Variants in ANKRD11 observed in about 807,000 individuals in gnomAD.
The protein encoded by ANKRD11 is ankyrin repeat domain 11.
A neutral mutation model predicts 195.7 loss-of-function variants in ANKRD11; 17 were observed. The ratio of observed to expected loss-of-function variants is 0.09; its 90% confidence interval spans 0.06 to 0.13. The LOEUF (loss-of-function observed/expected upper bound fraction) is 0.13. Among genes scored for constraint, ANKRD11 ranks in the 10% least tolerant of loss-of-function variants. ANKRD11 has a pLI of 1.00. For synonymous variants in ANKRD11, 1,953 were observed against 1,528.1 expected (o/e 1.28, Z -6.49); for missense variants, 3,735 against 3,566.1 (o/e 1.05, Z -1.21).
At chr16:89,350,936 A>T (rs2039184953) in intron 2 of ANKRD11, among the ~76,000 whole-genome samples, 1 of 152,200 alleles carries the variant, frequency 6.6e-6, no homozygotes, top group African/African-American at 2.4e-5. Flanking sequence ...ACTCAGCAAC[A>T]GGCTCTACCA....
At chr16:89,384,522 A>C (rs1366295148) in intron 2 of ANKRD11, among the ~76,000 whole-genome samples, 1 of 138,890 alleles carries the variant, frequency 7.2e-6, no homozygotes, top group Non-Finnish European at 1.6e-5. Flanking sequence ...ACGACATGGA[A>C]CAGGATGGGA....
At chr16:89,330,949 A>T (rs973110240) in intron 2 of ANKRD11, among the ~76,000 whole-genome samples, 1 of 152,200 alleles carries the variant, frequency 6.6e-6, no homozygotes, top group Non-Finnish European at 1.5e-5. Context: ...AAATATTATA[A>T]GCAAAACACC....
At position 89,481,196 on chromosome 16, in the gene ANKRD11, G is replaced by A. The variant is rs140842689; in HGVS notation, c.-145+9049C>T. Among the ~76,000 whole-genome samples, 428 of 152,178 alleles carry A rather than the reference G, an allele frequency of 2.8e-3. 2 individuals are homozygous for A. Among genetic ancestry groups the A allele is most frequent in the African/African-American group, 9.7e-3 (404 of 41,508 alleles). On this transcript the variant is annotated intron_variant, in intron 1 of 12. Coordinates refer to ENST00000301030, the MANE Select transcript of ANKRD11 (RefSeq NM_013275.6). ...TTTAATGAATACCAGTTAACACCAT[G>A]AAGTCTTCACAATTCACCTACACAG...
chr16:89,365,786 T>C (rs570379053), intron 2 of ANKRD11, among the ~76,000 whole-genome samples: 13 of 152,258 alleles, frequency 8.5e-5, no homozygotes, highest in Admixed American at 2.0e-4. Context: ...TCAGGGTTTG[T>C]TGAACAGACT....
intron 2 of ANKRD11, chr16:89,372,825 A>G (rs1215921906): frequency 6.6e-6 from 1 of 152,166 alleles, no homozygotes; most frequent in Non-Finnish European, 1.5e-5. Context: ...TGTGGCAGGG[A>G]CTCACTGAAA....
intron 1 of ANKRD11, among the ~76,000 whole-genome samples, chr16:89,479,662 AG>A (rs2057377314): frequency 6.7e-6 from 1 of 149,424 alleles, no homozygotes; most frequent in South Asian, 2.1e-4. Context: ...AATTTTAAAA[AG>A]GCCAGACGCA....
intron 1 of ANKRD11, chr16:89,489,290 G>A (rs887397046): frequency 6.6e-5 from 10 of 152,316 alleles, no homozygotes; most frequent in Admixed American, 5.2e-4. Flanking sequence ...GCCAGGGGAT[G>A]ATGAAATGAG....
At chr16:89,288,166 C>A in intron 7 of ANKRD11, 1 of 602,968 alleles carries the variant, frequency 1.7e-6, no homozygotes, top group Admixed American at 2.9e-5. Flanking sequence ...GAGGGTGGGT[C>A]TGCCTTGCAG....
At chr16:89,318,074 G>A (rs1176916424) in intron 2 of ANKRD11, among the ~76,000 whole-genome samples, 1 of 152,164 alleles carries the variant, frequency 6.6e-6, no homozygotes, top group East Asian at 1.9e-4. Flanking sequence ...GGCAGTTGGG[G>A]GAGGCCTTCC....
At chr16:89,374,709 G>T (rs1025086572) in intron 2 of ANKRD11, among the ~76,000 whole-genome samples, 1 of 152,128 alleles carries the variant, frequency 6.6e-6, no homozygotes, top group Non-Finnish European at 1.5e-5. Flanking sequence ...ACTCTGCTCA[G>T]GTAAGGACCA....
At chr16:89,472,917 T>C (rs1365554065) in intron 1 of ANKRD11, among the ~76,000 whole-genome samples, 1 of 152,040 alleles carries the variant, frequency 6.6e-6, no homozygotes, top group Non-Finnish European at 1.5e-5. Context: ...GGGCCAGACA[T>C]AGTGGCTCAT....
chr16:89,419,773 G>C (rs752627158), intron 1 of ANKRD11, among the ~76,000 whole-genome samples: 4 of 150,644 alleles, frequency 2.7e-5, no homozygotes, highest in Non-Finnish European at 5.9e-5. Flanking sequence ...TGCAAAGATG[G>C]AGTGAGGTTT....
chr16:89,301,010 G>C, intron 4 of ANKRD11: 2 of 624,014 alleles, frequency 3.2e-6, no homozygotes, highest in Non-Finnish European at 5.8e-6. Flanking sequence ...AGGCGCAGGA[G>C]AAACAGCGGG....
intron 1 of ANKRD11, among the ~76,000 whole-genome samples, chr16:89,468,578 G>A (rs780945465): frequency 6.6e-6 from 1 of 152,166 alleles, no homozygotes; most frequent in Non-Finnish European, 1.5e-5. Flanking sequence ...GGTGGCACAG[G>A]CCTGTAATGT....
chr16:89,479,558 C>G (rs1293619697), intron 1 of ANKRD11, among the ~76,000 whole-genome samples: 2 of 151,958 alleles, frequency 1.3e-5, no homozygotes, highest in African/African-American at 4.8e-5. Flanking sequence ...TCATTTGAAC[C>G]CAGGAGGCGG....
chr16:89,308,417 C>T (rs1003311327), intron 3 of ANKRD11, among the ~76,000 whole-genome samples: 17 of 152,194 alleles, frequency 1.1e-4, no homozygotes, highest in Non-Finnish European at 2.4e-4. Context: ...GAACACTGTC[C>T]CCAGGTCCAC....
chr16:89,324,574 G>A (rs1269310980), intron 2 of ANKRD11: 5 of 452,902 alleles, frequency 1.1e-5, no homozygotes, highest in African/African-American at 8.0e-5. Flanking sequence ...CCCTCCATCT[G>A]GGGGGGCATG....
intron 1 of ANKRD11, among the ~76,000 whole-genome samples, chr16:89,435,125 CATCA>C (rs2043158222): frequency 6.6e-6 from 1 of 152,140 alleles, no homozygotes; most frequent in South Asian, 2.1e-4. Context: ...TGTACAAATG[CATCA>C]ATCAGCGCTG....
Position 89,280,430 on chromosome 16 carries a change from TGACGTCCTC to T in ANKRD11, c.6103_6111del (p.Glu2035_Val2037del), listed in dbSNP as rs756624276. 1.3e-6 allele frequency: 2 copies of T among 1,579,448 alleles called. No homozygotes were observed. The highest frequency in any genetic ancestry group is 2.3e-5 in the South Asian group (2 of 87,292). ...GCGGGGACGGCGTCCACTCCGTCCT[TGACGTCCTC>T]CAGCCCCGGCTCAGCGACGGGCAGA... On this transcript the variant is annotated inframe_deletion, in exon 9 of 13. Coordinates refer to ENST00000301030, the MANE Select transcript of ANKRD11 (RefSeq NM_013275.6).
Sources: allele counts gnomAD v4.1 joint callset (sites outside exome capture counted in the v4.1 genomes callset), GRCh38; gene constraint gnomAD v4.1.1; transcripts MANE v1.5; gene names NCBI Gene and HGNC (gene_info 2026-07-23, HGNC 2026-07-21).